The following GRIP1 variants were observed in gnomAD, a reference collection of about 807,000 sequenced individuals.
GRIP1 encodes glutamate receptor interacting protein 1.
In GRIP1, 45 loss-of-function variants were observed where a neutral mutation model predicts 129.9. The ratio of observed to expected loss-of-function variants is 0.35; its 90% CI spans 0.27 to 0.44. The LOEUF is 0.44. GRIP1 is among the 20% of genes least tolerant of loss of function. The pLI, the probability that GRIP1 is intolerant of heterozygous loss-of-function variation, is 1.00. For synonymous variants in GRIP1, 530 were observed against 520.8 expected, an observed-to-expected ratio of 1.02 and a Z score of -0.24; for missense variants, 1,196 against 1,396.8, an observed-to-expected ratio of 0.86 and a Z score of 2.29.
intron 1 of GRIP1, among the ~76,000 whole-genome samples, chr12:66,827,379 T>G (rs2039432673): frequency 9.7e-6 from 1 of 103,038 alleles, no homozygotes; most frequent in Non-Finnish European, 2.0e-5. Context: ...TGTGTGTGTG[T>G]GTGTGTGTGA....
At chr12:66,836,776 A>G (rs773533723) in intron 1 of GRIP1, among the ~76,000 whole-genome samples, 1 of 152,198 alleles carries the variant, frequency 6.6e-6, no homozygotes, top group African/African-American at 2.4e-5. Flanking sequence ...AATGAGTACT[A>G]TCATTAATAG....
At chr12:66,379,177 G>T in intron 20 of GRIP1, 103 bp downstream of exon 20, 3 of 1,224,010 alleles carry the variant, frequency 2.5e-6, no homozygotes, top group Non-Finnish European at 3.6e-6. Flanking sequence ...GCTTTAAGAA[G>T]CCCATACTAA....
At chr12:66,609,507 C>CTTA (rs770361092) in intron 1 of GRIP1, among the ~76,000 whole-genome samples, 3 of 152,142 alleles carry the variant, frequency 2.0e-5, no homozygotes, top group African/African-American at 4.8e-5. Context: ...CCCCCAGATG[C>CTTA]TTAGATTTAA....
Position 66,679,020 on chromosome 12 carries a change from G to C in GRIP1, c.-116C>G. ...TACCAGGAGAAAGGTAGTCCCAGTGGGGAGTGACAAAGCTTAATTCCTCTT... is the reference window on the plus strand; with the variant it reads ...TACCAGGAGAAAGGTAGTCCCAGTGCGGAGTGACAAAGCTTAATTCCTCTT... On this transcript the variant is annotated 5_prime_UTR_variant, in exon 1 of 25. Transcript: ENST00000359742. 6.4e-7 allele frequency: 1 copy of C among 1,573,862 alleles called. No individual in the cohort carries two copies. The highest frequency in any genetic ancestry group is 1.4e-5 in the African/African-American group (1 of 73,552).
chr12:66,895,047 G>T (rs1286629379), intron 1 of GRIP1, among the ~76,000 whole-genome samples: 1 of 152,096 alleles, frequency 6.6e-6, no homozygotes, highest in Non-Finnish European at 1.5e-5. Context: ...GTGCCAGATT[G>T]TCAGCCTCTG....
chr12:66,962,481 T>TA (rs1464741036), intron 1 of GRIP1, among the ~76,000 whole-genome samples: 1 of 152,056 alleles, frequency 6.6e-6, no homozygotes, highest in African/African-American at 2.4e-5. Context: ...CAGTGCGACT[T>TA]AGACTAAATA....
intron 1 of GRIP1, among the ~76,000 whole-genome samples, chr12:67,068,279 T>C (rs533586701): frequency 6.6e-6 from 1 of 152,280 alleles, no homozygotes; most frequent in East Asian, 1.9e-4. Flanking sequence ...TCCAGCACAC[T>C]TGTCAAGCTG....
intron 1 of GRIP1, among the ~76,000 whole-genome samples, chr12:66,656,363 C>A (rs2033158143): frequency 6.6e-6 from 1 of 151,994 alleles, no homozygotes; most frequent in South Asian, 2.1e-4. Flanking sequence ...AAAAACAGAT[C>A]CTGGGCTTTA....
chr12:66,572,824 A>G (rs7137153), intron 2 of GRIP1, among the ~76,000 whole-genome samples: 45,240 of 152,060 alleles, frequency 0.3, 7,121 homozygotes, highest in African/African-American at 0.39. Context: ...CATTTATTAA[A>G]AACTTTATAT....
chr12:66,897,418 G>T (rs2040768180), intron 1 of GRIP1, among the ~76,000 whole-genome samples: 1 of 152,128 alleles, frequency 6.6e-6, no homozygotes, highest in Non-Finnish European at 1.5e-5. Context: ...TGAAAATACA[G>T]AAAACTCCAC....
chr12:66,388,734 C>T (rs1450460527), intron 19 of GRIP1, among the ~76,000 whole-genome samples: 2 of 152,188 alleles, frequency 1.3e-5, no homozygotes, highest in African/African-American at 2.4e-5. Flanking sequence ...CCCTTCTTTC[C>T]CCACAAGGTT....
chr12:66,802,948 A>G (rs2038900487), intron 1 of GRIP1, among the ~76,000 whole-genome samples: 1 of 152,204 alleles, frequency 6.6e-6, no homozygotes, highest in Non-Finnish European at 1.5e-5. Flanking sequence ...ATACAGCCAC[A>G]TTATTCAAGC....
intron 2 of GRIP1, among the ~76,000 whole-genome samples, chr12:66,580,487 A>G (rs1286490111): frequency 6.6e-6 from 1 of 152,234 alleles, no homozygotes; most frequent in Non-Finnish European, 1.5e-5. Context: ...GTCAAGACCC[A>G]TCAGTGTGTT....
At chr12:66,528,144 T>TTGTTTTTTTTG (rs1555201205) in intron 5 of GRIP1, among the ~76,000 whole-genome samples, 1 of 124,694 alleles carries the variant, frequency 8.0e-6, no homozygotes, top group Non-Finnish European at 1.7e-5. Context: ...GTTTTTTTTT[T>TTGTTTTTTTTG]TTTTTTTTGA....
rs2058944833 is a variant in GRIP1 at position 66,455,857 on chromosome 12, A to G, written c.1199-293T>C. On this transcript the variant is annotated intron_variant, in intron 10 of 24. Transcript: ENST00000359742. ...TTGTCCATGAACAACTCAATGCATC[A>G]GATACATAATCTCATTTTCATATTT... is the stretch of plus-strand genomic sequence containing the variant. 2.0e-5 allele frequency among the ~76,000 whole-genome samples: 3 copies of G among 152,254 alleles called. No individual in the cohort carries two copies. In the South Asian group the frequency reaches 6.2e-4, roughly 31 times the overall value.
intron 7 of GRIP1, among the ~76,000 whole-genome samples, chr12:66,486,933 GGT>G (rs1039638292): frequency 6.6e-6 from 1 of 151,992 alleles, no homozygotes; most frequent in African/African-American, 2.4e-5. Flanking sequence ...TGGTACCACA[GGT>G]GTGTGCCACT....
chr12:66,598,177 C>G (rs769548721), intron 1 of GRIP1, among the ~76,000 whole-genome samples: 2 of 152,166 alleles, frequency 1.3e-5, no homozygotes, highest in Admixed American at 6.5e-5. Flanking sequence ...AACTAAATAG[C>G]TTGTGTTTCA....
intron 14 of GRIP1, among the ~76,000 whole-genome samples, chr12:66,425,339 A>G (rs1387770249): frequency 6.6e-6 from 1 of 152,142 alleles, no homozygotes; most frequent in Non-Finnish European, 1.5e-5. Context: ...GCTGGAGAGG[A>G]TGTGGAGAAA....
At chr12:66,875,636 G>A (rs1264973809) in intron 1 of GRIP1, among the ~76,000 whole-genome samples, 1 of 151,976 alleles carries the variant, frequency 6.6e-6, no homozygotes, top group Non-Finnish European at 1.5e-5. Flanking sequence ...GTTGAAAGGT[G>A]GTAGAAGACT....
Sources: allele counts gnomAD v4.1 joint callset (sites outside exome capture counted in the v4.1 genomes callset), GRCh38; gene constraint gnomAD v4.1.1; transcripts MANE v1.5; gene names NCBI Gene and HGNC (gene_info 2026-07-23, HGNC 2026-07-21).